RGS5: variants seen among roughly 807,000 people sequenced by gnomAD.
RGS5 encodes regulator of G-protein signalling 5.
Under a neutral mutation model 18.9 loss-of-function variants are expected in RGS5, and 20 were observed. That is an observed-to-expected ratio of 1.06 (90% CI 0.74 to 1.54). The LOEUF (loss-of-function observed/expected upper bound fraction) is 1.54, where lower values mean the gene tolerates loss of function less well. Ranked by LOEUF, RGS5 falls within the 40% of genes most tolerant of loss-of-function variation. RGS5 has a pLI of 0.00. For synonymous variants in RGS5, 57 were observed against 76.2 expected (o/e 0.75, Z 1.31); for missense variants, 201 against 211.8 (o/e 0.95, Z 0.32).
intron 1 of RGS5, among the ~76,000 whole-genome samples, chr1:163,308,179 T>G (rs1306441809): frequency 6.6e-6 from 1 of 152,216 alleles, no homozygotes; most frequent in Non-Finnish European, 1.5e-5. Flanking sequence ...AAAAAGTTAT[T>G]CTTTGAAAAT....
intron 2 of RGS5, among the ~76,000 whole-genome samples, chr1:163,252,987 G>A (rs964491009): frequency 6.6e-5 from 10 of 152,136 alleles, no homozygotes; most frequent in African/African-American, 1.9e-4. Flanking sequence ...TCCAGTTGCA[G>A]ATGGGAATCT....
chr1:163,170,915 G>C (rs1658270915), intron 1 of RGS5, among the ~76,000 whole-genome samples: 1 of 152,096 alleles, frequency 6.6e-6, no homozygotes, highest in Admixed American at 6.6e-5. Flanking sequence ...ATTATCTAAT[G>C]TTTAGTTCTT....
At chr1:163,301,318 C>T (rs999875707) in intron 2 of RGS5, among the ~76,000 whole-genome samples, 25 of 148,974 alleles carry the variant, frequency 1.7e-4, no homozygotes, top group South Asian at 4.4e-4. Flanking sequence ...AAATCAGAAA[C>T]GGGCAATTAT....
chr1:163,311,520 CTCTT>C (rs1435528690), intron 1 of RGS5, among the ~76,000 whole-genome samples: 19 of 152,120 alleles, frequency 1.2e-4, no homozygotes, highest in African/African-American at 4.1e-4. Context: ...AGACATTTGA[CTCTT>C]TCTTTCACTT....
At chr1:163,243,056 G>C (rs903215157) in intron 2 of RGS5, among the ~76,000 whole-genome samples, 1 of 152,158 alleles carries the variant, frequency 6.6e-6, no homozygotes, top group African/African-American at 2.4e-5. Flanking sequence ...GCCCATCAAT[G>C]ATAGACTGGA....
intron 2 of RGS5, among the ~76,000 whole-genome samples, chr1:163,259,318 ATT>A (rs147396685): frequency 4.1e-5 from 6 of 146,760 alleles, no homozygotes; most frequent in African/African-American, 7.6e-5. Flanking sequence ...TGCCCGGCTA[ATT>A]TTTTTTTTTT....
chr1:163,162,548 C>T (rs545518097), intron 2 of RGS5, among the ~76,000 whole-genome samples: 11 of 151,758 alleles, frequency 7.2e-5, no homozygotes, highest in Non-Finnish European at 1.3e-4. Flanking sequence ...ATTTTTCCTA[C>T]CCACTTATAA....
chr1:163,180,684 C>CTTTTTTTTTTTTTTTTTTTTT (rs1429373041), intron 1 of RGS5, among the ~76,000 whole-genome samples: 5 of 81,904 alleles, frequency 6.1e-5, no homozygotes, highest in South Asian at 9.2e-4. Flanking sequence ...AGCCCTTACC[C>CTTTTTTTTTTTTTTTTTTTTT]TGTTTTTTTT....
At chr1:163,191,630 T>C (rs1659360259) in intron 1 of RGS5, among the ~76,000 whole-genome samples, 1 of 152,210 alleles carries the variant, frequency 6.6e-6, no homozygotes, top group South Asian at 2.1e-4. Flanking sequence ...TTGCTAAAAC[T>C]CTTCTAATTT....
At chr1:163,281,096 G>A (rs1648980030) in intron 2 of RGS5, among the ~76,000 whole-genome samples, 1 of 152,036 alleles carries the variant, frequency 6.6e-6, no homozygotes, top group Non-Finnish European at 1.5e-5. Flanking sequence ...TTTAAAAATG[G>A]GAGTTTCTCT....
intron 2 of RGS5, among the ~76,000 whole-genome samples, chr1:163,295,840 A>G (rs1327497083): frequency 6.6e-6 from 1 of 152,200 alleles, no homozygotes; most frequent in Non-Finnish European, 1.5e-5. Flanking sequence ...TCTTCAAAAC[A>G]TGGTATTTAT....
At chr1:163,253,805 C>T (rs1192711666) in intron 2 of RGS5, among the ~76,000 whole-genome samples, 1 of 149,154 alleles carries the variant, frequency 6.7e-6, no homozygotes, top group Non-Finnish European at 1.5e-5. Flanking sequence ...CCCCCCTCCC[C>T]ACACCCCACA....
At chr1:163,190,059 T>C (rs1659278202) in intron 1 of RGS5, among the ~76,000 whole-genome samples, 1 of 152,188 alleles carries the variant, frequency 6.6e-6, no homozygotes, top group Non-Finnish European at 1.5e-5. Flanking sequence ...CTGGGGAGTA[T>C]TTCCCCTACC....
chr1:163,248,019 A>G (rs1647993572), intron 2 of RGS5, among the ~76,000 whole-genome samples: 1 of 152,180 alleles, frequency 6.6e-6, no homozygotes, highest in Non-Finnish European at 1.5e-5. Flanking sequence ...TTAGACACAA[A>G]GGGTATCTCA....
At chr1:163,263,392 A>G (rs562304242) in intron 2 of RGS5, among the ~76,000 whole-genome samples, 29 of 152,182 alleles carry the variant, frequency 1.9e-4, no homozygotes, top group African/African-American at 6.7e-4. Context: ...GAGTATTTGA[A>G]TCTCCCATTG....
chr1:163,210,616 T>C (rs1660082206), intron 1 of RGS5, among the ~76,000 whole-genome samples: 1 of 152,254 alleles, frequency 6.6e-6, no homozygotes, highest in Non-Finnish European at 1.5e-5. Context: ...ACTTAAAATT[T>C]GAGCACCTCT....
intron 1 of RGS5, among the ~76,000 whole-genome samples, chr1:163,314,956 A>C (rs1649981003): frequency 6.6e-6 from 1 of 152,180 alleles, no homozygotes; most frequent in African/African-American, 2.4e-5. Context: ...TAAGGTACCC[A>C]GTTTGTGGCA....
At chr1:163,277,701 A>G (rs1230515055) in intron 2 of RGS5, among the ~76,000 whole-genome samples, 1 of 152,142 alleles carries the variant, frequency 6.6e-6, no homozygotes, top group Non-Finnish European at 1.5e-5. Flanking sequence ...TTGGCCTCTG[A>G]GACATGGTGC....
rs932524488 is a variant in RGS5, at chr1:163,144,672, G to A, written c.*2670C>T. Reference sequence around the variant, plus strand: ...GAGGGAGCTGGAGTGATAAGCAGATGTTACACATGTTTTTCCTGGAAAGAT... The same window carrying A: ...GAGGGAGCTGGAGTGATAAGCAGATATTACACATGTTTTTCCTGGAAAGAT... On this transcript the variant is annotated 3_prime_UTR_variant, in exon 5 of 5. Transcript: ENST00000313961. 2 of 152,560 alleles carry A rather than the reference G, an allele frequency of 1.3e-5. No homozygotes were observed. The highest frequency in any genetic ancestry group is 2.4e-5 in the African/African-American group (1 of 41,426). 9.5% of individuals were successfully genotyped at this position (152,560 alleles called of 1,614,324 possible).
Sources: gnomAD v4.1 joint callset for allele counts (sites outside exome capture counted in the v4.1 genomes callset) on GRCh38, gnomAD v4.1.1 for gene constraint, MANE v1.5 for transcripts, NCBI Gene and HGNC (gene_info 2026-07-23, HGNC 2026-07-21) for gene names.